The following FAM13A variants were observed in gnomAD, a reference collection of about 807,000 sequenced individuals.
FAM13A encodes protein FAM13A.
A neutral mutation model predicts 129.6 loss-of-function variants in FAM13A; 76 were observed. The ratio of observed to expected loss-of-function variants is 0.59; its 90% CI spans 0.49 to 0.71. FAM13A has a LOEUF of 0.71. Ranked by LOEUF, FAM13A falls within the 30% of genes least tolerant of loss-of-function variation. The pLI is 0.00. For synonymous variants in FAM13A, 443 were observed against 449.9 expected (o/e 0.98, Z 0.20); for missense variants, 1,108 against 1,249.3 (o/e 0.89, Z 1.70).
At chr4:88,743,665 T>C (rs1310067920) in intron 19 of FAM13A, among the ~76,000 whole-genome samples, 1 of 152,168 alleles carries the variant, frequency 6.6e-6, no homozygotes, top group South Asian at 2.1e-4. Flanking sequence ...GCATCATCAA[T>C]ATAGCGCAGT....
At chr4:89,048,249 GTGAA>G (rs749089341) in intron 1 of FAM13A, among the ~76,000 whole-genome samples, 1 of 152,124 alleles carries the variant, frequency 6.6e-6, no homozygotes, top group Non-Finnish European at 1.5e-5. Context: ...GGATCTATCA[GTGAA>G]TGAATAAAAT....
chr4:88,737,330 G>A (rs1739198494), intron 21 of FAM13A, 142 bp downstream of exon 21: 7 of 690,950 alleles, frequency 1.0e-5, no homozygotes, highest in Middle Eastern at 8.0e-4. Context: ...TTGGTTATAT[G>A]TAGCTACTGA....
intron 6 of FAM13A, among the ~76,000 whole-genome samples, chr4:88,866,086 C>T (rs1740387517): frequency 6.6e-6 from 1 of 151,174 alleles, no homozygotes; most frequent in African/African-American, 2.4e-5. Flanking sequence ...TTGCTCTTAT[C>T]CCCCTGGCTG....
intron 6 of FAM13A, among the ~76,000 whole-genome samples, chr4:88,890,696 G>A (rs190026523): frequency 1.2e-4 from 19 of 152,088 alleles, no homozygotes; most frequent in African/African-American, 3.6e-4. Context: ...ATACAGTAGA[G>A]AATCAACAAA....
intron 4 of FAM13A, among the ~76,000 whole-genome samples, chr4:88,945,990 G>GTGTATA: frequency 2.6e-4 from 16 of 61,952 alleles, no homozygotes; most frequent in South Asian, 1.2e-3. Flanking sequence ...GTGTGTGTGT[G>GTGTATA]TATATATATA....
intron 3 of FAM13A, 69 bp downstream of exon 3, chr4:89,020,391 A>G (rs898105832): frequency 4.1e-5 from 46 of 1,133,852 alleles, no homozygotes; most frequent in Non-Finnish European, 5.3e-5. Context: ...TGTTGGGATT[A>G]TAGGTGTGGG....
intron 9 of FAM13A, 45 bp downstream of exon 9, chr4:88,790,539 TAA>T (rs112676553): frequency 3.6e-4 from 439 of 1,223,964 alleles, no homozygotes; most frequent in Non-Finnish European, 4.0e-4. Context: ...GACAGGGCAT[TAA>T]AAAAAAAAAA....
chr4:88,972,940 C>A (rs924626764), intron 4 of FAM13A, among the ~76,000 whole-genome samples: 5 of 152,210 alleles, frequency 3.3e-5, no homozygotes, highest in Non-Finnish European at 7.4e-5. Context: ...TTATAGGGTA[C>A]AACGTTCTAC....
At chr4:88,811,927 A>C (rs1729733194) in intron 7 of FAM13A, among the ~76,000 whole-genome samples, 1 of 152,152 alleles carries the variant, frequency 6.6e-6, no homozygotes, top group Non-Finnish European at 1.5e-5. Context: ...ATTACTTAAT[A>C]AGGGCTCTGC....
At chr4:88,828,313 T>C (rs1460996148) in intron 7 of FAM13A, among the ~76,000 whole-genome samples, 1 of 152,040 alleles carries the variant, frequency 6.6e-6, no homozygotes, top group Non-Finnish European at 1.5e-5. Flanking sequence ...GATAATTTAT[T>C]TTTTGTAGAG....
At chr4:88,807,856 T>C (rs1728889520) in intron 7 of FAM13A, among the ~76,000 whole-genome samples, 1 of 152,216 alleles carries the variant, frequency 6.6e-6, no homozygotes, top group Non-Finnish European at 1.5e-5. Flanking sequence ...TGGCCTGCAT[T>C]TGCACAAAGT....
chr4:89,054,756 T>C (rs1395140953), intron 1 of FAM13A, among the ~76,000 whole-genome samples: 1 of 152,186 alleles, frequency 6.6e-6, no homozygotes, highest in African/African-American at 2.4e-5. Context: ...TGACTTTTCA[T>C]CTATTCTTCT....
intron 10 of FAM13A, among the ~76,000 whole-genome samples, chr4:88,786,509 A>C (rs970334390): frequency 5.3e-5 from 8 of 152,228 alleles, no homozygotes; most frequent in African/African-American, 1.9e-4. Flanking sequence ...TAAATATCTC[A>C]TGTCATGCCA....
chr4:89,006,088 G>A (rs1054150984), intron 3 of FAM13A, among the ~76,000 whole-genome samples: 4 of 152,098 alleles, frequency 2.6e-5, no homozygotes, highest in Non-Finnish European at 4.4e-5. Context: ...TTTTGTATAC[G>A]GTGTAAAGAA....
chr4:89,007,988 G>A (rs888456579), intron 3 of FAM13A, among the ~76,000 whole-genome samples: 1 of 107,614 alleles, frequency 9.3e-6, no homozygotes. Flanking sequence ...AAACACCTCA[G>A]TATCATTTTT....
intron 3 of FAM13A, among the ~76,000 whole-genome samples, chr4:89,004,042 C>CA (rs1229810373): frequency 6.6e-6 from 1 of 152,148 alleles, no homozygotes; most frequent in Non-Finnish European, 1.5e-5. Context: ...AGGCTGGTCT[C>CA]AAACTACTGG....
rs1230904779 is a variant in FAM13A at position 88,767,985 on chromosome 4, T to C, written c.1533A>G (p.Glu511=). ...GPDDFEWMSD[E]RKGNEKDGGH... ...TTAGGAGACAATTCTAAAATTACCT[T>C]TCATCAGACATCCATTCAAAATCAT... Residue 511 remains glutamate (E), a splice_region_variant and synonymous_variant, in exon 12 of 24, where the codon GAA becomes GAG. Transcript: ENST00000264344. 1 of 1,587,752 alleles carries C rather than the reference T, an allele frequency of 6.3e-7. No homozygotes were observed. The highest frequency in any genetic ancestry group is 8.6e-7 in the Non-Finnish European group (1 of 1,156,334).
chr4:88,909,668 G>T (rs1409938431), intron 5 of FAM13A, among the ~76,000 whole-genome samples: 1 of 152,040 alleles, frequency 6.6e-6, no homozygotes, highest in Non-Finnish European at 1.5e-5. Context: ...TGTATTTTTA[G>T]TAGAGATGAG....
chr4:89,013,326 G>GTGTATA (rs1553922492), intron 3 of FAM13A, among the ~76,000 whole-genome samples: 2 of 148,420 alleles, frequency 1.3e-5, no homozygotes, highest in Non-Finnish European at 3.0e-5. Context: ...ATATAACACA[G>GTGTATA]TATATATACA....
Sources: allele counts gnomAD v4.1 joint callset (sites outside exome capture counted in the v4.1 genomes callset), GRCh38; gene constraint gnomAD v4.1.1; transcripts MANE v1.5; gene names NCBI Gene and HGNC (gene_info 2026-07-23, HGNC 2026-07-21).